PEAK1: variants seen among roughly 807,000 people sequenced by gnomAD.
PEAK1 encodes pseudopodium enriched atypical kinase 1, also known as inactive tyrosine-protein kinase PEAK1.
A neutral mutation model predicts 124.7 loss-of-function variants in PEAK1; 54 were observed. The observed-to-expected ratio is 0.43, with a 90% CI of 0.35 to 0.54. The LOEUF (loss-of-function observed/expected upper bound fraction) is 0.54. Ranked by LOEUF, PEAK1 falls within the 20% of genes least tolerant of loss-of-function variation. The probability of loss-of-function intolerance (pLI) is 0.01; values close to 1 mark genes in which losing one functional copy is unlikely to be tolerated. For synonymous variants in PEAK1, 719 were observed against 760.0 expected (o/e 0.95, Z 0.89); for missense variants, 2,046 against 2,134.5 (o/e 0.96, Z 0.82).
intron 2 of PEAK1, among the ~76,000 whole-genome samples, chr15:77,305,791 G>C (rs765332559): frequency 6.6e-6 from 1 of 152,054 alleles, no homozygotes; most frequent in Admixed American, 6.5e-5. Flanking sequence ...ACATCTTCCC[G>C]CATACTTTAA....
At chr15:77,351,859 T>C (rs1005857926) in intron 2 of PEAK1, 4 of 985,274 alleles carry the variant, frequency 4.1e-6, no homozygotes, top group Admixed American at 6.1e-5. Context: ...TTTCCGGGCA[T>C]ACAAGAAAAG....
At position 77,114,555 on chromosome 15, in the gene PEAK1, C is replaced by T. The variant is rs1408663651; in HGVS notation, c.4842G>A (p.Glu1614=). 6.2e-7 allele frequency: 1 copy of T among 1,614,114 alleles called. No homozygotes were observed. Among genetic ancestry groups the T allele is most frequent in the African/African-American group, 1.3e-5 (1 of 75,020 alleles). Residue 1614 remains glutamate (E), a synonymous_variant, in exon 10 of 10, where the codon GAG becomes GAA. Transcript: ENST00000682557. ...CTCGTGTGTATTCCCTCTCCTTCAGCTCTGGGTTCTCATCAAAGGGGTTGG... is the reference window on the plus strand; with the variant it reads ...CTCGTGTGTATTCCCTCTCCTTCAGTTCTGGGTTCTCATCAAAGGGGTTGG... The part of the protein sequence containing the change: ...HLPNPFDENP[E]LKEREYTRAD...
chr15:77,419,674 G>C, intron 1 of PEAK1: 4 of 984,994 alleles, frequency 4.1e-6, no homozygotes, highest in Non-Finnish European at 4.8e-6. Context: ...GCCCGGGGGC[G>C]TCCCTCGCGG....
rs768703891 is a variant in PEAK1 at position 77,179,181 on chromosome 15, G to A, written c.2746C>T (p.Arg916Trp). 5.0e-6 allele frequency: 8 copies of A among 1,614,038 alleles called. No individual in the cohort carries two copies. The highest frequency in any genetic ancestry group is 3.3e-5 in the Admixed American group (2 of 59,990). ...CGCTTAGGTTTTGCATCAGCTGCCC[G>A]CCTGCTGCCTTCAGAGTGCAAAACT... is the stretch of plus-strand genomic sequence containing the variant. ...ESVLHSEGSRRAADAKPKRWI... is the reference protein window; with the variant it reads ...ESVLHSEGSRWAADAKPKRWI... Residue 916 changes from arginine to tryptophan, a missense_variant, in exon 7 of 10, where the codon CGG becomes TGG. Transcript: ENST00000682557.
intron 5 of PEAK1, among the ~76,000 whole-genome samples, chr15:77,277,676 A>G (rs1459807844): frequency 6.6e-6 from 1 of 152,198 alleles, no homozygotes; most frequent in Non-Finnish European, 1.5e-5. Flanking sequence ...CTGTAAGTAA[A>G]TATTTTTGTT....
At chr15:77,150,483 G>A (rs918091634) in intron 8 of PEAK1, among the ~76,000 whole-genome samples, 4 of 151,912 alleles carry the variant, frequency 2.6e-5, no homozygotes, top group Non-Finnish European at 4.4e-5. Context: ...TCATAACTGA[G>A]AATACAATGA....
intron 6 of PEAK1, among the ~76,000 whole-genome samples, chr15:77,242,464 C>A (rs141847885): frequency 1.2e-3 from 187 of 152,148 alleles, no homozygotes; most frequent in African/African-American, 4.5e-3. Flanking sequence ...AGACATTAAG[C>A]CTCTAGGCTA....
chr15:77,348,548 C>T (rs1597389423), intron 2 of PEAK1: 2 of 963,954 alleles, frequency 2.1e-6, no homozygotes, highest in Non-Finnish European at 2.5e-6. Context: ...GAAATAAAAG[C>T]TTGGCAAGCT....
At chr15:77,273,032 G>A (rs1164912281) in intron 5 of PEAK1, among the ~76,000 whole-genome samples, 2 of 152,086 alleles carry the variant, frequency 1.3e-5, no homozygotes, top group African/African-American at 2.4e-5. Context: ...TCAATAGATT[G>A]CACAAAAAGC....
At chr15:77,186,412 G>A (rs2057549615) in intron 6 of PEAK1, among the ~76,000 whole-genome samples, 2 of 152,206 alleles carry the variant, frequency 1.3e-5, no homozygotes, top group African/African-American at 4.8e-5. Context: ...CTGATTAACA[G>A]CTATCACTTA....
intron 1 of PEAK1, chr15:77,418,902 A>G (rs1177512243): frequency 1.0e-6 from 1 of 985,326 alleles, no homozygotes; most frequent in Non-Finnish European, 1.2e-6. Flanking sequence ...GGCAATCCCA[A>G]TTCAGGTGAA....
In PEAK1 at chr15:77,182,058, A is replaced by C; in HGVS notation, c.-114-18T>G. 2 of 1,382,476 alleles carry C rather than the reference A, an allele frequency of 1.4e-6. No individual in the cohort carries two copies. The highest frequency in any genetic ancestry group is 1.5e-5 in the African/African-American group (1 of 68,898). The allele number at this position is 1,382,476 out of a possible 1,614,324, so 85.6% of individuals were successfully genotyped here. A position where few individuals can be genotyped will look rare whatever the true frequency, so the allele number is the denominator to read the frequency against. On this transcript the variant is annotated intron_variant, in intron 6 of 9. Coordinates refer to ENST00000682557, the MANE Select transcript of PEAK1 (RefSeq NM_001385026.1). ...TGATCAATCTGTGGAGGGGAAAAGA[A>C]GACAAAAAATCTGAATGAAAAAGGC... is the stretch of plus-strand genomic sequence containing the variant.
intron 2 of PEAK1, chr15:77,333,101 T>C (rs1443974429): frequency 1.0e-6 from 1 of 982,994 alleles, no homozygotes; most frequent in East Asian, 1.1e-4. Context: ...TTCAATTTTG[T>C]TGATGGTATT....
chr15:77,145,838 A>C (rs977745620), intron 8 of PEAK1, among the ~76,000 whole-genome samples: 4 of 152,144 alleles, frequency 2.6e-5, no homozygotes, highest in Admixed American at 6.5e-5. Flanking sequence ...CCCCATGTCT[A>C]TCTCTCCCAA....
At chr15:77,256,121 G>A (rs1281657968) in intron 5 of PEAK1, among the ~76,000 whole-genome samples, 1 of 152,024 alleles carries the variant, frequency 6.6e-6, no homozygotes. Context: ...CTAAATTCAG[G>A]ATAAAGAACT....
chr15:77,375,440 T>C (rs921414604), intron 1 of PEAK1, among the ~76,000 whole-genome samples: 1 of 152,174 alleles, frequency 6.6e-6, no homozygotes, highest in Non-Finnish European at 1.5e-5. Flanking sequence ...CCATGGTGTA[T>C]AAGCTGTACT....
At chr15:77,118,300 T>C (rs941188061) in intron 9 of PEAK1, among the ~76,000 whole-genome samples, 6 of 152,202 alleles carry the variant, frequency 3.9e-5, no homozygotes, top group Non-Finnish European at 8.8e-5. Context: ...AGGATTTTGC[T>C]TGATGGGTAT....
intron 6 of PEAK1, among the ~76,000 whole-genome samples, chr15:77,243,436 T>C (rs1343213690): frequency 6.6e-6 from 1 of 152,236 alleles, no homozygotes; most frequent in Admixed American, 6.5e-5. Flanking sequence ...ATTTATTTCT[T>C]TCCACTTTCA....
At chr15:77,322,138 A>G (rs879272589) in intron 2 of PEAK1, among the ~76,000 whole-genome samples, 3 of 152,228 alleles carry the variant, frequency 2.0e-5, no homozygotes, top group Non-Finnish European at 4.4e-5. Flanking sequence ...CAGTGTGTAG[A>G]GGGAAATTTA....
Sources: gnomAD v4.1 joint callset for allele counts (sites outside exome capture counted in the v4.1 genomes callset) on GRCh38, gnomAD v4.1.1 for gene constraint, MANE v1.5 for transcripts, NCBI Gene and HGNC (gene_info 2026-07-23, HGNC 2026-07-21) for gene names.